The following PDILT variants were observed in gnomAD, a reference collection of about 807,000 sequenced individuals.
PDILT encodes the protein protein disulfide isomerase like, testis expressed, also known as protein disulfide-isomerase-like protein of the testis.
In PDILT, 43 loss-of-function variants were observed where a neutral mutation model predicts 53.7. That is an observed-to-expected ratio of 0.80 (90% CI 0.63 to 1.03). The LOEUF is 1.03. Among genes scored for constraint, PDILT ranks in the 50% least tolerant of loss-of-function variants. The pLI, the probability that PDILT is intolerant of heterozygous loss-of-function variation, is 0.00. For missense variants in PDILT, 727 were observed against 712.3 expected, an observed-to-expected ratio of 1.02 and a Z score of -0.24; for synonymous variants, 282 against 274.2, an observed-to-expected ratio of 1.03 and a Z score of -0.28.
At chr16:20,389,334 G>A (rs1306555625) in intron 2 of PDILT, among the ~76,000 whole-genome samples, 1 of 152,176 alleles carries the variant, frequency 6.6e-6, no homozygotes, top group African/African-American at 2.4e-5. Context: ...AAAAAGTGGG[G>A]TTATTAATAG....
chr16:20,371,647 G>A (rs1966307229), intron 7 of PDILT, among the ~76,000 whole-genome samples: 1 of 152,060 alleles, frequency 6.6e-6, no homozygotes, highest in Admixed American at 6.6e-5. Context: ...ATTCACTAGG[G>A]TGACTGAAAC....
At chr16:20,396,426 C>T (rs928626439) in intron 2 of PDILT, among the ~76,000 whole-genome samples, 1 of 152,204 alleles carries the variant, frequency 6.6e-6, no homozygotes, top group African/African-American at 2.4e-5. Context: ...TTGATATCAA[C>T]AACCATAAAT....
chr16:20,383,439 C>T (rs528869720), intron 3 of PDILT, among the ~76,000 whole-genome samples: 2 of 150,904 alleles, frequency 1.3e-5, no homozygotes, highest in African/African-American at 2.4e-5. Flanking sequence ...TCACTGCTCC[C>T]GCCCTCCCTC....
intron 1 of PDILT, among the ~76,000 whole-genome samples, chr16:20,403,008 T>G (rs1385561789): frequency 6.6e-6 from 1 of 152,120 alleles, no homozygotes. Flanking sequence ...TACCCCCTAC[T>G]CAGAGGAGAG....
chr16:20,400,625 T>A (rs771700241), intron 1 of PDILT, among the ~76,000 whole-genome samples: 1 of 152,094 alleles, frequency 6.6e-6, no homozygotes, highest in Non-Finnish European at 1.5e-5. Flanking sequence ...ATTTGGGAAA[T>A]TTTGAATATG....
At position 20,381,015 on chromosome 16, in the gene PDILT, T is replaced by A. The variant is rs192913298; in HGVS notation, c.409+3630A>T. Among the ~76,000 whole-genome samples, 709 of 152,354 alleles carry A rather than the reference T, an allele frequency of 4.7e-3. 16 individuals carry two copies. Among genetic ancestry groups the A allele is most frequent in the South Asian group, 1.0e-3 (5 of 4,832 alleles). ...GACACGGTGACAACTGAGGTGTGAA[T>A]GCAATGTCAATGATTGACTAGGACC... On this transcript the variant is annotated intron_variant, in intron 3 of 11. Coordinates refer to ENST00000302451, the MANE Select transcript of PDILT (RefSeq NM_174924.2).
chr16:20,400,070 A>ATTTT lies in PDILT; in HGVS notation c.-7-764_-7-763insAAAA, dbSNP rs1186213740. On this transcript the variant is annotated intron_variant, in intron 1 of 11. Coordinates refer to ENST00000302451, the MANE Select transcript of PDILT (RefSeq NM_174924.2). ...TCTATCTATCTATATATATATATATATATTTTTTGAGACGGAGTTTTGCTC... is the reference window on the plus strand; with the variant it reads ...TCTATCTATCTATATATATATATATATTTTTATTTTTTGAGACGGAGTTTTGCTC... Among the ~76,000 whole-genome samples the ATTTT allele has an allele frequency of 2.6e-3, 328 of 126,650 alleles. 1 individual carries two copies. The highest frequency in any genetic ancestry group is 7.6e-3 in the African/African-American group (236 of 31,100). The allele number at this position is 126,650 out of a possible 152,430, so 83.1% of individuals were successfully genotyped here.
chr16:20,384,393 ATACT>A (rs1966502140), intron 3 of PDILT, among the ~76,000 whole-genome samples: 1 of 152,100 alleles, frequency 6.6e-6, no homozygotes, highest in Non-Finnish European at 1.5e-5. Context: ...AATAGAAGTG[ATACT>A]TACCACTGTT....
chr16:20,399,267 C>T lies in PDILT; in HGVS notation c.34G>A (p.Ala12Thr). The T allele has an allele frequency of 6.2e-7, 1 of 1,614,020 alleles. No homozygotes were observed. Among genetic ancestry groups the T allele is most frequent in the Non-Finnish European group, 8.5e-7 (1 of 1,179,918 alleles). ...CTGTGGACAGCAGAGACACAAGCGGCCACCAGCAGCAGGGGCATCCAGAGT... is the reference window on the plus strand; with the variant it reads ...CTGTGGACAGCAGAGACACAAGCGGTCACCAGCAGCAGGGGCATCCAGAGT... ...DLLWMPLLLVAACVSAVHSSP... is the reference protein window; with the variant it reads ...DLLWMPLLLVTACVSAVHSSP... Residue 12 changes from alanine (A) to threonine (T), a missense_variant, in exon 2 of 12, where the codon GCC becomes ACC. Physicochemically the swap from Ala to Thr is moderately conservative, Grantham distance 58. Transcript: ENST00000302451.
intron 4 of PDILT, 110 bp downstream of exon 4, chr16:20,375,958 G>A: frequency 1.5e-6 from 2 of 1,372,866 alleles, no homozygotes; most frequent in South Asian, 1.4e-5. Flanking sequence ...CAGATCATTG[G>A]ATGGAGAAAA....
chr16:20,385,746 CAA>C (rs550165118), intron 2 of PDILT, among the ~76,000 whole-genome samples: 100 of 152,162 alleles, frequency 6.6e-4, no homozygotes, highest in African/African-American at 2.3e-3. Context: ...TTGAAATAAA[CAA>C]AAACAAACCA....
At chr16:20,374,059 T>C (rs1472044885) in intron 5 of PDILT, among the ~76,000 whole-genome samples, 1 of 152,124 alleles carries the variant, frequency 6.6e-6, no homozygotes, top group Non-Finnish European at 1.5e-5. Context: ...TCCTCCTGCC[T>C]GAGCTTGCTG....
At chr16:20,361,685 C>A (rs115610989) in intron 10 of PDILT, among the ~76,000 whole-genome samples, 2,801 of 152,220 alleles carry the variant, frequency 0.018, 84 homozygotes, top group African/African-American at 0.065. Flanking sequence ...GCTGGGGTCA[C>A]CCTTCTGCCC....
chr16:20,379,451 C>T (rs1966430437), intron 3 of PDILT, among the ~76,000 whole-genome samples: 1 of 151,916 alleles, frequency 6.6e-6, no homozygotes, highest in Non-Finnish European at 1.5e-5. Context: ...CAGGCATGAG[C>T]CACCACGCCC....
chr16:20,376,056 T>C lies in PDILT; in HGVS notation c.543+12A>G, dbSNP rs985292796. Reference sequence around the variant, plus strand: ...CAGTTGAAAGCCTCCTCCCACCTCTTGGTCCCAGTACCTGGAAGAAGCCAA... The same window carrying C: ...CAGTTGAAAGCCTCCTCCCACCTCTCGGTCCCAGTACCTGGAAGAAGCCAA... On this transcript the variant is annotated intron_variant, in intron 4 of 11. Transcript: ENST00000302451. 8 of 1,613,756 alleles carry C rather than the reference T, an allele frequency of 5.0e-6. No individual in the cohort carries two copies. The highest frequency in any genetic ancestry group is 6.8e-6 in the Non-Finnish European group (8 of 1,179,916).
chr16:20,385,452 A>G (rs556422101), intron 2 of PDILT, among the ~76,000 whole-genome samples: 2 of 151,878 alleles, frequency 1.3e-5, no homozygotes, highest in South Asian at 4.1e-4. Flanking sequence ...AATGCCTGGC[A>G]CAAGTTAAGT....
chr16:20,372,862 G>T lies in PDILT; in HGVS notation c.858C>A (p.Ser286=). The change falls in exon 7 of 12, where the codon TCC becomes TCA. Residue 286 remains serine, a synonymous_variant. Coordinates refer to ENST00000302451, the MANE Select transcript of PDILT (RefSeq NM_174924.2). The part of the protein sequence containing the change: ...SHMLLFVSKS[S]ESYGIIIQHY... ...GCTGAATTATGATACCATATGACTC[G>T]GAGCTTTTGGAGACAAACAGCAGCA... 6.2e-7 allele frequency: 1 copy of T among 1,613,966 alleles called. No homozygotes were observed. Among genetic ancestry groups the T allele is most frequent in the South Asian group, 1.1e-5 (1 of 91,080 alleles).
chr16:20,397,001 C>A (rs1235766535), intron 2 of PDILT, among the ~76,000 whole-genome samples: 1 of 152,198 alleles, frequency 6.6e-6, no homozygotes, highest in Non-Finnish European at 1.5e-5. Flanking sequence ...GGTGAGAAAA[C>A]TGGCGAGGAT....
chr16:20,390,039 C>T (rs763036926), intron 2 of PDILT, among the ~76,000 whole-genome samples: 5 of 152,040 alleles, frequency 3.3e-5, no homozygotes, highest in African/African-American at 9.7e-5. Context: ...GTCAAATGTC[C>T]GTAGGGCTTA....
Sources: allele counts gnomAD v4.1 joint callset (sites outside exome capture counted in the v4.1 genomes callset), GRCh38; gene constraint gnomAD v4.1.1; transcripts MANE v1.5; gene names NCBI Gene and HGNC (gene_info 2026-07-23, HGNC 2026-07-21).